SLC4A11: variants seen among roughly 807,000 people sequenced by gnomAD.
The protein encoded by SLC4A11 is solute carrier family 4 member 11.
A neutral mutation model predicts 95.0 loss-of-function variants in SLC4A11; 74 were observed. The observed-to-expected ratio is 0.78, with a 90% CI of 0.65 to 0.95. The LOEUF is 0.95. Among genes scored for constraint, SLC4A11 ranks in the 40% least tolerant of loss-of-function variants. SLC4A11 has a pLI of 0.00. For synonymous variants in SLC4A11, 548 were observed against 519.0 expected (o/e 1.06, Z -0.76); for missense variants, 1,081 against 1,192.4 (o/e 0.91, Z 1.38).
In SLC4A11 at chr20:3,228,239, C is replaced by G. The variant is rs1435356102; in HGVS notation, c.2558+20G>C. 1.2e-6 allele frequency: 2 copies of G among 1,611,302 alleles called. No individual in the cohort carries two copies. Among genetic ancestry groups the G allele is most frequent in the Non-Finnish European group, 1.7e-6 (2 of 1,179,542 alleles). On this transcript the variant is annotated intron_variant, in intron 19 of 19. Coordinates refer to ENST00000642402, the MANE Select transcript of SLC4A11 (RefSeq NM_001174089.2). ...ACACCTAGACTGGGCCCCTCCTGCCCACTGCCCACCCGCCTGTACCGGATG... is the reference window on the plus strand; with the variant it reads ...ACACCTAGACTGGGCCCCTCCTGCCGACTGCCCACCCGCCTGTACCGGATG...
At chr20:3,238,174 C>G in intron 1 of SLC4A11, 3 of 1,439,654 alleles carry the variant, frequency 2.1e-6, no homozygotes, top group Non-Finnish European at 2.7e-6. Flanking sequence ...AAGCCAGAGC[C>G]GTTGGTCCAA....
rs2122510809 is a variant in SLC4A11, at chr20:3,229,003, T to TTCACC, written c.2022_2026dup (p.Lys676ArgfsTer2). ...GAGGTCCCAGTGGTAGGCAGTGCCC[T>TTCACC]TCACCAGCCTGCAGCAGACGGGCAC... is the stretch of plus-strand genomic sequence containing the variant. On this transcript the variant is annotated stop_gained and frameshift_variant, in exon 17 of 20. Coordinates refer to ENST00000642402, the MANE Select transcript of SLC4A11 (RefSeq NM_001174089.2). LOFTEE classifies it high-confidence loss of function. 1 of 1,613,216 alleles carries TTCACC rather than the reference T, an allele frequency of 6.2e-7. No individual in the cohort carries two copies. Among genetic ancestry groups the TTCACC allele is most frequent in the East Asian group, 2.2e-5 (1 of 44,858 alleles).
chr20:3,230,900 A>ACCCCCCCCCCCCCCCCCCCCCC, intron 10 of SLC4A11, 33 bp downstream of exon 10: 1 of 1,610,750 alleles, frequency 6.2e-7, no homozygotes, highest in Non-Finnish European at 8.5e-7. Context: ...AGCCCAGCAT[A>ACCCCCCCCCCCCCCCCCCCCCC]CCCCCACCCA....
At chr20:3,235,059 C>A (rs2067926135) in intron 2 of SLC4A11, 165 bp from the exon 3 acceptor site, 1 of 758,560 alleles carries the variant, frequency 1.3e-6, no homozygotes. Context: ...CCTGCCCCAG[C>A]CCCACACAGG....
In SLC4A11 at chr20:3,237,525, C is replaced by T; in HGVS notation, c.88+19G>A. ...GACAAGCTCTCTCTGCACACACACA[C>T]TCCCCGAGAGGTACTCACTTGAATC... On this transcript the variant is annotated intron_variant, in intron 2 of 19. Coordinates refer to ENST00000642402, the MANE Select transcript of SLC4A11 (RefSeq NM_001174089.2). 6.2e-7 allele frequency: 1 copy of T among 1,613,160 alleles called. No individual in the cohort carries two copies. The highest frequency in any genetic ancestry group is 1.3e-5 in the African/African-American group (1 of 75,036).
In SLC4A11 at chr20:3,229,236, T is replaced by C; in HGVS notation, c.1877A>G (p.Glu626Gly). The change falls in exon 16 of 20, where the codon GAG becomes GGG. Residue 626 changes from glutamate to glycine, a missense_variant. Physicochemically the swap from Glu to Gly is moderately conservative, Grantham distance 98. Coordinates refer to ENST00000642402, the MANE Select transcript of SLC4A11 (RefSeq NM_001174089.2). ...EMSKFRYNPS[E>G]SPFAMAQIQS... Reference sequence around the variant, plus strand: ...GATCTGCGCCATCGCAAAGGGGCTCTCGCTGGGGTTGTAGCGGAACTTGCT... The same window carrying C: ...GATCTGCGCCATCGCAAAGGGGCTCCCGCTGGGGTTGTAGCGGAACTTGCT... The C allele has an allele frequency of 6.2e-7, 1 of 1,612,944 alleles. No homozygotes were observed. The highest frequency in any genetic ancestry group is 8.5e-7 in the Non-Finnish European group (1 of 1,180,006).
chr20:3,233,427 G>A lies in SLC4A11; in HGVS notation c.729+87C>T, dbSNP rs1176397489. On this transcript the variant is annotated intron_variant, in intron 7 of 19. Transcript: ENST00000642402. ...GAGGGTGAGGACCAGGCCTTCAGAGGCCAGGACATGTGGGAGGGGACCCCA... is the reference window on the plus strand; with the variant it reads ...GAGGGTGAGGACCAGGCCTTCAGAGACCAGGACATGTGGGAGGGGACCCCA... 7.5e-6 allele frequency: 12 copies of A among 1,593,364 alleles called. No homozygotes were observed. The East Asian group carries it at 2.2e-4, about 30-fold the overall frequency.
chr20:3,238,366 G>C, intron 1 of SLC4A11: 2 of 985,370 alleles, frequency 2.0e-6, no homozygotes, highest in Non-Finnish European at 2.4e-6. Flanking sequence ...GAGACCCCGG[G>C]GGTCGGGGCG....
Position 3,229,790 on chromosome 20 carries a change from C to T in SLC4A11, c.1490-14G>A, listed in dbSNP as rs751416844. 8.1e-6 allele frequency: 13 copies of T among 1,613,742 alleles called. No homozygotes were observed. The highest frequency in any genetic ancestry group is 1.1e-5 in the Non-Finnish European group (13 of 1,179,958). On this transcript the variant is annotated splice_polypyrimidine_tract_variant and intron_variant, in intron 13 of 19. Coordinates refer to ENST00000642402, the MANE Select transcript of SLC4A11 (RefSeq NM_001174089.2). ...ACTTCCAGAAGACTGTGGACACACA[C>T]CCACAGGCCTCAGCCCTCTCCAGCG...
chr20:3,234,499 T>C lies in SLC4A11; in HGVS notation c.291+69A>G. 2 of 1,600,710 alleles carry C rather than the reference T, an allele frequency of 1.2e-6. No individual in the cohort carries two copies. The highest frequency in any genetic ancestry group is 3.3e-5 in the Admixed American group (2 of 59,968). On this transcript the variant is annotated intron_variant, in intron 4 of 19. Transcript: ENST00000642402. The surrounding 1 kb of genome is among the most constrained non-coding windows in gnomAD (Gnocchi z 5.8). ...GGGAAGAGGGGAGCAGCGGGAGGAT[T>C]CTCAGGGAAGCCATCACCTCAGCCC... is the stretch of plus-strand genomic sequence containing the variant.
Position 3,233,508 on chromosome 20 carries a change from A to G in SLC4A11, c.729+6T>C. The G allele has an allele frequency of 6.2e-7, 1 of 1,613,340 alleles. No homozygotes were observed. The highest frequency in any genetic ancestry group is 2.2e-5 in the East Asian group (1 of 44,848). Reference sequence around the variant, plus strand: ...TCTTCCCCAGGACACGGCACTACCCACTCACCATCTTGGGTGGGGCCAGCA... The same window carrying G: ...TCTTCCCCAGGACACGGCACTACCCGCTCACCATCTTGGGTGGGGCCAGCA... On this transcript the variant is annotated splice_donor_region_variant and intron_variant, in intron 7 of 19. Coordinates refer to ENST00000642402, the MANE Select transcript of SLC4A11 (RefSeq NM_001174089.2).
Position 3,228,832 on chromosome 20 carries a change from A to G in SLC4A11, c.2192+6T>C. The G allele has an allele frequency of 6.2e-7, 1 of 1,613,506 alleles. No homozygotes were observed. The highest frequency in any genetic ancestry group is 1.1e-5 in the South Asian group (1 of 91,078). ...GGTCCACGGCTCTTGCCAGCCTCAC[A>G]CTCACGTGTCATAGATGTGTCCGTT... On this transcript the variant is annotated splice_donor_region_variant and intron_variant, in intron 17 of 19. Coordinates refer to ENST00000642402, the MANE Select transcript of SLC4A11 (RefSeq NM_001174089.2).
Position 3,231,272 on chromosome 20 carries a change from C to G in SLC4A11, c.949-30G>C, listed in dbSNP as rs373605332. 5.6e-5 allele frequency: 90 copies of G among 1,613,374 alleles called. No individual in the cohort carries two copies. Among genetic ancestry groups the G allele is most frequent in the African/African-American group, 2.7e-4 (20 of 75,048 alleles). On this transcript the variant is annotated intron_variant, in intron 8 of 19. Coordinates refer to ENST00000642402, the MANE Select transcript of SLC4A11 (RefSeq NM_001174089.2). This position sits in a 1 kb window ranked among gnomAD's most constrained non-coding sequence, Gnocchi z 5.2. ...AGGAGAGGACAGAGCGCCTGTTAGC[C>G]CTGTCCGGCCCATGCCCCCGCCGAC...
intron 1 of SLC4A11, 98 bp downstream of exon 1, chr20:3,238,997 G>A (rs2068074559): frequency 1.4e-6 from 2 of 1,385,618 alleles, no homozygotes; most frequent in Non-Finnish European, 1.9e-6. Context: ...GGCCCGCGCA[G>A]GCAGACGGCA....
chr20:3,237,593 A>G lies in SLC4A11; in HGVS notation c.44-5T>C. 6.2e-7 allele frequency: 1 copy of G among 1,613,960 alleles called. No individual in the cohort carries two copies. ...GCGACATGGTGGGAGAGTTTTCTGC[A>G]AGGGAAGCAGAAAGGTCACCAGCCC... is the stretch of plus-strand genomic sequence containing the variant. On this transcript the variant is annotated splice_polypyrimidine_tract_variant and splice_region_variant and intron_variant, in intron 1 of 19. Transcript: ENST00000642402.
rs1230025176 is a variant in SLC4A11 at position 3,230,264 on chromosome 20, C to T, written c.1416-4G>A. 6.2e-7 allele frequency: 1 copy of T among 1,613,448 alleles called. No homozygotes were observed. The highest frequency in any genetic ancestry group is 1.7e-5 in the Admixed American group (1 of 60,024). ...GGCGATGATCTCCTCCGTCGACCTG[C>T]CAGGAGGCCATGAGCCTCATCAGAG... On this transcript the variant is annotated splice_region_variant and splice_polypyrimidine_tract_variant and intron_variant, in intron 12 of 19. Transcript: ENST00000642402.
rs889545306 is a variant in SLC4A11 at position 3,239,164 on chromosome 20, C to T, written c.-27G>A. ...GCACACTCGCGCACTCACGGCCGGGCTCCTCACGCGGCGCTCCGGCGCTTC... is the reference window on the plus strand; with the variant it reads ...GCACACTCGCGCACTCACGGCCGGGTTCCTCACGCGGCGCTCCGGCGCTTC... On this transcript the variant is annotated 5_prime_UTR_variant, in exon 1 of 20. Coordinates refer to ENST00000642402, the MANE Select transcript of SLC4A11 (RefSeq NM_001174089.2). 1.4e-6 allele frequency: 2 copies of T among 1,444,686 alleles called. No individual in the cohort carries two copies. The highest frequency in any genetic ancestry group is 1.3e-5 in the South Asian group (1 of 74,354). 89.5% of individuals were successfully genotyped at this position (1,444,686 alleles called of 1,614,324 possible). A position where few individuals can be genotyped will look rare whatever the true frequency, so the allele number is the denominator to read the frequency against.
Position 3,228,822 on chromosome 20 carries a change from C to T in SLC4A11, c.2192+16G>A. 1 of 1,613,680 alleles carries T rather than the reference C, an allele frequency of 6.2e-7. No homozygotes were observed. Among genetic ancestry groups the T allele is most frequent in the African/African-American group, 1.3e-5 (1 of 75,056 alleles). ...CACTCCTCAGGGTCCACGGCTCTTG[C>T]CAGCCTCACACTCACGTGTCATAGA... On this transcript the variant is annotated intron_variant, in intron 17 of 19. Transcript: ENST00000642402.
At chr20:3,238,569 G>A (rs1311927369) in intron 1 of SLC4A11, 2 of 990,882 alleles carry the variant, frequency 2.0e-6, no homozygotes, top group African/African-American at 1.7e-5. Flanking sequence ...CGGGGACCCA[G>A]GGCTGGCCCT....
Sources: allele counts gnomAD v4.1 joint callset, GRCh38; gene constraint gnomAD v4.1.1; non-coding constraint Gnocchi (gnomAD v3.1); transcripts MANE v1.5; gene names NCBI Gene and HGNC (gene_info 2026-07-23, HGNC 2026-07-21).